The following FUT8 variants were observed in gnomAD, a reference collection of about 807,000 sequenced individuals.
The protein encoded by FUT8 is fucosyltransferase 8.
FUT8 carries 29 observed loss-of-function variants against 71.3 expected under a neutral mutation model. The observed-to-expected ratio is 0.41, with a 90% CI of 0.30 to 0.55. FUT8 has a LOEUF of 0.55. Among genes scored for constraint, FUT8 ranks in the 20% least tolerant of loss-of-function variants. The probability of loss-of-function intolerance (pLI) is 0.34; values close to 1 mark genes in which losing one functional copy is unlikely to be tolerated. For synonymous variants in FUT8, 254 were observed against 239.3 expected (o/e 1.06, Z -0.57); for missense variants, 544 against 702.1 (o/e 0.77, Z 2.55).
intron 6 of FUT8, among the ~76,000 whole-genome samples, chr14:65,647,823 T>C (rs1048031788): frequency 9.9e-5 from 15 of 152,090 alleles, no homozygotes; most frequent in African/African-American, 3.6e-4. Flanking sequence ...AATGTGGACA[T>C]TGGAGAATTT....
chr14:65,468,380 A>G, intron 2 of FUT8: 1 of 460,624 alleles, frequency 2.2e-6, no homozygotes, highest in Admixed American at 3.0e-5. Context: ...GTTCCGGCCG[A>G]AAGGTTGGAT....
intron 6 of FUT8, among the ~76,000 whole-genome samples, chr14:65,654,143 A>C (rs2140331710): frequency 6.6e-6 from 1 of 152,324 alleles, no homozygotes; most frequent in Non-Finnish European, 1.5e-5. Flanking sequence ...ATGTTTATGA[A>C]GGTGATTTTT....
intron 6 of FUT8, among the ~76,000 whole-genome samples, chr14:65,644,301 T>A (rs61348705): frequency 0.3 from 45,137 of 151,710 alleles, 7,422 homozygotes; most frequent in African/African-American, 0.44. Flanking sequence ...ATATATATTT[T>A]TTTTTTTGAG....
intron 7 of FUT8, among the ~76,000 whole-genome samples, chr14:65,675,958 C>T (rs774392914): frequency 2.6e-5 from 4 of 152,248 alleles, no homozygotes; most frequent in Non-Finnish European, 5.9e-5. Context: ...GATCGCGCCA[C>T]TGCACTCCAG....
intron 6 of FUT8, among the ~76,000 whole-genome samples, chr14:65,641,587 A>T (rs1052214997): frequency 1.3e-5 from 2 of 152,112 alleles, no homozygotes; most frequent in African/African-American, 4.8e-5. Flanking sequence ...AAACTGTTTG[A>T]ACTGTTTACA....
intron 7 of FUT8, among the ~76,000 whole-genome samples, chr14:65,698,445 A>G (rs888393940): frequency 6.6e-6 from 1 of 152,178 alleles, no homozygotes; most frequent in African/African-American, 2.4e-5. Context: ...GAGGCAGAAG[A>G]CCTATGTATT....
At chr14:65,731,803 C>G (rs1413811692) in intron 9 of FUT8, among the ~76,000 whole-genome samples, 1 of 152,200 alleles carries the variant, frequency 6.6e-6, no homozygotes, top group African/African-American at 2.4e-5. Flanking sequence ...CCTTAGGTAC[C>G]CTTTTGATTT....
chr14:65,381,409 T>C, the FUT8 span, among the ~76,000 whole-genome samples: 1 of 152,228 alleles, frequency 6.6e-6, no homozygotes, highest in Admixed American at 6.5e-5. Flanking sequence ...ACTAGATGGC[T>C]GAAAGTGGAC....
chr14:65,722,081 T>A (rs1339468017), intron 8 of FUT8, 60 bp downstream of exon 8: 2 of 1,567,590 alleles, frequency 1.3e-6, no homozygotes, highest in Non-Finnish European at 1.7e-6. Flanking sequence ...TATGTATCTT[T>A]ACAATATATT....
chr14:65,370,700 C>T, the FUT8 span, among the ~76,000 whole-genome samples: 5 of 151,478 alleles, frequency 3.3e-5, no homozygotes, highest in African/African-American at 4.8e-5. Context: ...GAAGAAAAAA[C>T]GTTTTCCTCT....
intron 3 of FUT8, among the ~76,000 whole-genome samples, chr14:65,588,287 C>G (rs922961364): frequency 6.6e-6 from 1 of 152,112 alleles, no homozygotes; most frequent in Non-Finnish European, 1.5e-5. Context: ...ACATGCTCTT[C>G]CTTCTGTTTG....
intron 1 of FUT8, among the ~76,000 whole-genome samples, chr14:65,435,283 A>C (rs746890480): frequency 1.3e-5 from 2 of 152,134 alleles, no homozygotes; most frequent in Non-Finnish European, 2.9e-5. Context: ...TTTTTACTAT[A>C]ATATTTTCTA....
intron 1 of FUT8, among the ~76,000 whole-genome samples, chr14:65,449,306 A>G (rs1017960970): frequency 2.3e-4 from 35 of 152,368 alleles, no homozygotes; most frequent in African/African-American, 8.2e-4. Flanking sequence ...CAGTCTTACA[A>G]TGATGAATTC....
chr14:65,617,943 CA>C (rs1165723498), intron 5 of FUT8, among the ~76,000 whole-genome samples: 2 of 140,296 alleles, frequency 1.4e-5, no homozygotes, highest in African/African-American at 2.6e-5. Flanking sequence ...GACTCTGTCT[CA>C]AAAAAAAGAT....
chr14:65,627,526 G>A lies in FUT8; in HGVS notation c.483-1966G>A, dbSNP rs1278091489. On this transcript the variant is annotated intron_variant, in intron 5 of 10. Transcript: ENST00000673929. The surrounding 1 kb of genome is among the most constrained non-coding windows in gnomAD (Gnocchi z 4.0). ...CCTGTATATATTGCTATGGTTCCGG[G>A]GTTTGCATTTCTTCTTACCTGATTT... 6.6e-6 allele frequency among the ~76,000 whole-genome samples: 1 copy of A among 152,220 alleles called. No homozygotes were observed. The highest frequency in any genetic ancestry group is 1.5e-5 in the Non-Finnish European group (1 of 68,042).
chr14:65,592,176 A>G (rs1887727417), intron 3 of FUT8, among the ~76,000 whole-genome samples: 1 of 152,122 alleles, frequency 6.6e-6, no homozygotes, highest in South Asian at 2.1e-4. Flanking sequence ...TTGGATATAT[A>G]TGAGAGCTTT....
the FUT8 span, among the ~76,000 whole-genome samples, chr14:65,385,843 A>T: frequency 3.3e-5 from 5 of 151,812 alleles, no homozygotes; most frequent in African/African-American, 1.2e-4. Context: ...CACCCAGCCT[A>T]TTATATTTCG....
intron 3 of FUT8, among the ~76,000 whole-genome samples, chr14:65,579,987 A>G (rs1886990204): frequency 6.6e-6 from 1 of 151,758 alleles, no homozygotes; most frequent in Non-Finnish European, 1.5e-5. Context: ...AAGTCATTTC[A>G]AGGTATCTCA....
intron 2 of FUT8, among the ~76,000 whole-genome samples, chr14:65,457,351 C>T (rs192271438): frequency 6.6e-6 from 1 of 152,204 alleles, no homozygotes; most frequent in East Asian, 1.9e-4. Context: ...AAGAAACTTG[C>T]AATTTATGGT....
Sources: allele counts gnomAD v4.1 joint callset (sites outside exome capture counted in the v4.1 genomes callset), GRCh38; gene constraint gnomAD v4.1.1; non-coding constraint Gnocchi (gnomAD v3.1); transcripts MANE v1.5; gene names NCBI Gene and HGNC (gene_info 2026-07-23, HGNC 2026-07-21).